Variants in MCM3AP observed in about 807,000 individuals in gnomAD.
MCM3AP encodes germinal-center associated nuclear protein.
A neutral mutation model predicts 184.1 loss-of-function variants in MCM3AP; 126 were observed. The ratio of observed to expected loss-of-function variants is 0.68; its 90% CI spans 0.59 to 0.79. The LOEUF is 0.79. Among genes scored for constraint, MCM3AP ranks in the 30% least tolerant of loss-of-function variants. The pLI, the probability that MCM3AP is intolerant of heterozygous loss-of-function variation, is 0.00. For synonymous variants in MCM3AP, 1,002 were observed against 979.3 expected (o/e 1.02, Z -0.43); for missense variants, 2,496 against 2,479.2 (o/e 1.01, Z -0.14).
At chr21:46,266,432 G>A in intron 10 of MCM3AP, 1 of 347,736 alleles carries the variant, frequency 2.9e-6, no homozygotes, top group Non-Finnish European at 5.2e-6. Context: ...ATTTTCTGAG[G>A]ACAGAACTGG....
intron 20 of MCM3AP, among the ~76,000 whole-genome samples, chr21:46,248,695 A>G (rs567083265): frequency 4.6e-5 from 7 of 152,302 alleles, no homozygotes; most frequent in East Asian, 3.9e-4. Flanking sequence ...TTCCTTGGAA[A>G]GATAAGATGA....
intron 2 of MCM3AP, among the ~76,000 whole-genome samples, chr21:46,281,831 C>G (rs1476708501): frequency 2.0e-5 from 3 of 151,658 alleles, no homozygotes; most frequent in Non-Finnish European, 4.4e-5. Context: ...GAAACCCCCT[C>G]TCCACTAAAA....
At chr21:46,259,587 T>C (rs2145659280) in intron 15 of MCM3AP, among the ~76,000 whole-genome samples, 1 of 151,758 alleles carries the variant, frequency 6.6e-6, no homozygotes, top group Non-Finnish European at 1.5e-5. Flanking sequence ...TTGGCCATCA[T>C]GGTAGAACCC....
intron 20 of MCM3AP, chr21:46,251,053 CG>C (rs2080860155): frequency 6.6e-6 from 1 of 152,284 alleles, no homozygotes; most frequent in African/African-American, 2.4e-5. Flanking sequence ...TTTAAGTACA[CG>C]GAAGTGTTAC....
chr21:46,254,232 T>C, intron 19 of MCM3AP, 160 bp downstream of exon 19: 1 of 758,926 alleles, frequency 1.3e-6, no homozygotes, highest in Non-Finnish European at 2.1e-6. Context: ...AGTTTCAACT[T>C]AAAATCATGA....
At position 46,240,793 on chromosome 21, in the gene MCM3AP, G is replaced by A; in HGVS notation, c.5633+18C>T. On this transcript the variant is annotated intron_variant, in intron 26 of 27. Transcript: ENST00000291688. ...AAGCAGACTAAACACACATGAATTA[G>A]AAGGAAGTGGGCTTCACCTCTTGTT... 2 of 1,609,900 alleles carry A rather than the reference G, an allele frequency of 1.2e-6. No individual in the cohort carries two copies. Among genetic ancestry groups the A allele is most frequent in the Non-Finnish European group, 1.7e-6 (2 of 1,177,284 alleles).
chr21:46,255,237 G>A (rs1038069430), intron 17 of MCM3AP, among the ~76,000 whole-genome samples: 16 of 152,174 alleles, frequency 1.1e-4, no homozygotes, highest in African/African-American at 3.6e-4. Flanking sequence ...GGAAACAGGG[G>A]GAGCCAGCGT....
At chr21:46,265,300 C>G in intron 12 of MCM3AP, 21 bp downstream of exon 12, 1 of 1,611,924 alleles carries the variant, frequency 6.2e-7, no homozygotes, top group South Asian at 1.1e-5. Flanking sequence ...GAGTCCAGAC[C>G]TAGAAAAAAA....
intron 26 of MCM3AP, 85 bp from the exon 27 acceptor site, chr21:46,237,064 A>G: frequency 1.5e-6 from 1 of 674,856 alleles, no homozygotes; most frequent in Non-Finnish European, 2.2e-6. Context: ...ATACTTAAAA[A>G]CTTTTTAAGC....
chr21:46,258,384 G>T (rs924186408), intron 16 of MCM3AP, among the ~76,000 whole-genome samples: 2 of 152,192 alleles, frequency 1.3e-5, no homozygotes, highest in Non-Finnish European at 2.9e-5. Context: ...CAGTTGAGAA[G>T]TTGTGGCCAT....
At position 46,272,713 on chromosome 21, in the gene MCM3AP, A is replaced by G. The variant is rs2081196972; in HGVS notation, c.2313T>C (p.Asp771=). The change falls in exon 8 of 28, where the codon GAT becomes GAC. Residue 771 remains aspartate (D), a synonymous_variant. Transcript: ENST00000291688. ...TCATGTTCTCATTATTGATCTTGGC[A>G]TCAAAGGAGGACATGGGCTCCTCAC... ...FMCEEPMSSF[D]AKINNENMTK... The G allele has an allele frequency of 6.2e-7, 1 of 1,614,018 alleles. No homozygotes were observed. The highest frequency in any genetic ancestry group is 1.3e-5 in the African/African-American group (1 of 74,904).
In MCM3AP at chr21:46,260,656, A is replaced by G. The variant is rs944830532; in HGVS notation, c.3581+137T>C. ...GAGCACAGAGGACTGCATCAAATAC[A>G]TTTGGTCACAAAATCAAAGTAGCTT... On this transcript the variant is annotated intron_variant, in intron 15 of 27. Coordinates refer to ENST00000291688, the MANE Select transcript of MCM3AP (RefSeq NM_003906.5). The G allele has an allele frequency of 4.8e-6, 3 of 631,352 alleles. No individual in the cohort carries two copies. In the African/African-American group the frequency reaches 5.5e-5, roughly 12 times the overall value. The allele number at this position is 631,352 out of a possible 1,614,324, so 39.1% of individuals were successfully genotyped here.
At chr21:46,256,633 G>T in intron 17 of MCM3AP, 156 bp downstream of exon 17, 1 of 888,190 alleles carries the variant, frequency 1.1e-6, no homozygotes. Flanking sequence ...CCTTCAAAAT[G>T]CAACCCTGTG....
rs1278700368 is a variant in MCM3AP, at chr21:46,251,414, C to T, written c.4290+115G>A. The T allele has an allele frequency of 2.3e-5, 19 of 839,746 alleles. No homozygotes were observed. In the African/African-American group the frequency reaches 2.7e-4, roughly 12 times the overall value. 52.0% of individuals were successfully genotyped at this position (839,746 alleles called of 1,614,324 possible). A position where few individuals can be genotyped will look rare whatever the true frequency, so the allele number is the denominator to read the frequency against. On this transcript the variant is annotated intron_variant, in intron 20 of 27. Transcript: ENST00000291688. ...ACATAATACTTGCTTCTGAGCCTCC[C>T]AGTCTTTCAAAACCACATTAGGGAA...
At chr21:46,253,850 G>C in intron 19 of MCM3AP, 1 of 157,218 alleles carries the variant, frequency 6.4e-6, no homozygotes, top group Non-Finnish European at 1.4e-5. Flanking sequence ...ACCTGGTTAA[G>C]TGTGCAGCAC....
chr21:46,235,166 T>G lies in MCM3AP; in HGVS notation c.*102A>C. 1 of 1,253,098 alleles carries G rather than the reference T, an allele frequency of 8.0e-7. No individual in the cohort carries two copies. The highest frequency in any genetic ancestry group is 1.1e-6 in the Non-Finnish European group (1 of 892,006). The allele number at this position is 1,253,098 out of a possible 1,614,324, so 77.6% of individuals were successfully genotyped here. A position where few individuals can be genotyped will look rare whatever the true frequency, so the allele number is the denominator to read the frequency against. ...AAATGGTTTATCTGCATGATTAAAT[T>G]AATCACATTTCCAACAGTGCATCAA... On this transcript the variant is annotated 3_prime_UTR_variant, in exon 28 of 28. Coordinates refer to ENST00000291688, the MANE Select transcript of MCM3AP (RefSeq NM_003906.5).
At position 46,240,846 on chromosome 21, in the gene MCM3AP, C is replaced by T. The variant is rs770094506; in HGVS notation, c.5598G>A (p.Ser1866=). ...SAEELLAQCL[S]SSLLLEKEEN... is the part of the protein sequence containing the mutation. ...CTTCTTTCTCCAGCAGCAGACTGCT[C>T]GACAAACACTGCGCCAAGAGCTCCT... The change falls in exon 26 of 28, where the codon TCG becomes TCA. Residue 1866 remains serine (S), a synonymous_variant. Transcript: ENST00000291688. The T allele has an allele frequency of 2.6e-5, 42 of 1,614,050 alleles. No homozygotes were observed. Among genetic ancestry groups the T allele is most frequent in the Non-Finnish European group, 3.4e-5 (40 of 1,180,036 alleles).
intron 15 of MCM3AP, 72 bp from the exon 16 acceptor site, chr21:46,259,163 G>A: frequency 4.0e-6 from 6 of 1,500,708 alleles, no homozygotes; most frequent in Non-Finnish European, 5.4e-6. Context: ...TGCTTGAAAA[G>A]TGCAAGAGTC....
At position 46,285,278 on chromosome 21, in the gene MCM3AP, TG is replaced by T. The variant is rs2081398186; in HGVS notation, c.8del (p.Pro3GlnfsTer20). 6.2e-7 allele frequency: 1 copy of T among 1,609,768 alleles called. No homozygotes were observed. The highest frequency in any genetic ancestry group is 8.5e-7 in the Non-Finnish European group (1 of 1,176,798). On this transcript the variant is annotated frameshift_variant, in exon 1 of 28. Coordinates refer to ENST00000291688, the MANE Select transcript of MCM3AP (RefSeq NM_003906.5). LOFTEE classifies it high-confidence loss of function. ...GCTGCTGCCCACTGAAAGGATTAGTTGGGTTCATCTTCTGCTCCAATTATTA... is the reference window on the plus strand; with the variant it reads ...GCTGCTGCCCACTGAAAGGATTAGTTGGTTCATCTTCTGCTCCAATTATTA... The part of the protein sequence containing the change: MN[P>X]TNPFSGQQPS...
Sources: gnomAD v4.1 joint callset for allele counts (sites outside exome capture counted in the v4.1 genomes callset) on GRCh38, gnomAD v4.1.1 for gene constraint, MANE v1.5 for transcripts, NCBI Gene and HGNC (gene_info 2026-07-23, HGNC 2026-07-21) for gene names.